CSNK1A1: variants seen among roughly 807,000 people sequenced by gnomAD.
CSNK1A1 encodes casein kinase I isoform alpha.
CSNK1A1 carries 7 observed loss-of-function variants against 46.1 expected under a neutral mutation model. That is an observed-to-expected ratio of 0.15 (90% CI 0.09 to 0.29). The LOEUF (loss-of-function observed/expected upper bound fraction) is 0.29, where lower values mean the gene tolerates loss of function less well. Ranked by LOEUF, CSNK1A1 falls within the 10% of genes least tolerant of loss-of-function variation. The pLI, the probability that CSNK1A1 is intolerant of heterozygous loss-of-function variation, is 1.00. For missense variants in CSNK1A1, 96 were observed against 417.1 expected (o/e 0.23, Z 6.71); for synonymous variants, 137 against 141.5 (o/e 0.97, Z 0.23).
intron 9 of CSNK1A1, chr5:149,499,296 T>C (rs1265353914): frequency 4.0e-6 from 2 of 503,614 alleles, no homozygotes; most frequent in Non-Finnish European, 4.8e-6. Flanking sequence ...CTTTATTCCT[T>C]AAAAAAAAAG....
intron 2 of CSNK1A1, among the ~76,000 whole-genome samples, chr5:149,544,758 T>TATATATACAC (rs150989849): frequency 0.073 from 9,468 of 129,178 alleles, 610 homozygotes; most frequent in Admixed American, 0.1. Context: ...TATATATATA[T>TATATATACAC]ATATATAGTT....
chr5:149,498,696 C>T, intron 9 of CSNK1A1: 1 of 985,328 alleles, frequency 1.0e-6, no homozygotes, highest in Non-Finnish European at 1.2e-6. Flanking sequence ...TTCACAACTA[C>T]TAAAATTGCT....
chr5:149,497,400 T>C, intron 9 of CSNK1A1: 1 of 985,858 alleles, frequency 1.0e-6, no homozygotes, highest in Non-Finnish European at 1.2e-6. Flanking sequence ...AAAACTTCTT[T>C]ACCGGCCGCA....
chr5:149,502,419 T>G (rs945498273), intron 9 of CSNK1A1: 7 of 575,082 alleles, frequency 1.2e-5, no homozygotes, highest in Non-Finnish European at 2.2e-6. Context: ...CAGCTCTCAT[T>G]GCAGCCTCAA....
At chr5:149,521,572 C>A (rs1472095641) in intron 3 of CSNK1A1, among the ~76,000 whole-genome samples, 1 of 151,836 alleles carries the variant, frequency 6.6e-6, no homozygotes, top group Admixed American at 6.6e-5. Context: ...CAGGTGTGAA[C>A]CACCATGCCC....
intron 2 of CSNK1A1, among the ~76,000 whole-genome samples, chr5:149,542,629 T>C (rs1465143987): frequency 2.2e-4 from 3 of 13,940 alleles, no homozygotes; most frequent in African/African-American, 1.5e-3. Context: ...TATATATATA[T>C]ATATATATAT....
chr5:149,510,895 A>G (rs151051190), intron 6 of CSNK1A1, among the ~76,000 whole-genome samples: 10 of 152,354 alleles, frequency 6.6e-5, no homozygotes, highest in Non-Finnish European at 1.5e-4. Context: ...TATAAGTCAC[A>G]ATATTTTTCT....
chr5:149,545,197 G>A (rs1762436743), intron 2 of CSNK1A1, among the ~76,000 whole-genome samples: 1 of 151,956 alleles, frequency 6.6e-6, no homozygotes, highest in Non-Finnish European at 1.5e-5. Flanking sequence ...CTGTTCAAGG[G>A]TCAACTGTAA....
chr5:149,512,324 T>C (rs1761252435), intron 5 of CSNK1A1, among the ~76,000 whole-genome samples: 1 of 151,986 alleles, frequency 6.6e-6, no homozygotes, highest in Non-Finnish European at 1.5e-5. Flanking sequence ...TAGATATATA[T>C]ATATTTAAGG....
chr5:149,529,383 C>T, intron 2 of CSNK1A1, among the ~76,000 whole-genome samples: 1 of 152,128 alleles, frequency 6.6e-6, no homozygotes, highest in Admixed American at 6.5e-5. Context: ...AACGCATATC[C>T]AAATTAAATC....
chr5:149,537,022 A>G (rs1420316592), intron 2 of CSNK1A1, among the ~76,000 whole-genome samples: 1 of 152,196 alleles, frequency 6.6e-6, no homozygotes, highest in Non-Finnish European at 1.5e-5. Flanking sequence ...AGTTTATGTA[A>G]AAGCACTTGA....
At chr5:149,536,384 T>G (rs1441052306) in intron 2 of CSNK1A1, among the ~76,000 whole-genome samples, 2 of 152,212 alleles carry the variant, frequency 1.3e-5, no homozygotes, top group African/African-American at 4.8e-5. Context: ...TTTGCATTAA[T>G]TAATTTGCTT....
intron 2 of CSNK1A1, among the ~76,000 whole-genome samples, chr5:149,528,499 C>T (rs529430565): frequency 4.6e-5 from 7 of 152,336 alleles, no homozygotes; most frequent in African/African-American, 1.7e-4. Flanking sequence ...CTCATTCAGA[C>T]ATTATCACAC....
rs182861896 is a variant in CSNK1A1 at position 149,542,624 on chromosome 5, A to T, written c.230+7451T>A. On this transcript the variant is annotated intron_variant, in intron 2 of 9. Transcript: ENST00000377843. ...TATATATATATATATATATATATAT[A>T]TATATATATATATATGTATATATAT... 1.2e-3 allele frequency among the ~76,000 whole-genome samples: 17 copies of T among 13,700 alleles called. 1 individual carries two copies. The highest frequency in any genetic ancestry group is 7.6e-3 in the African/African-American group (14 of 1,842). The allele number at this position is 13,700 out of a possible 152,430, so 9.0% of individuals were successfully genotyped here.
At chr5:149,543,649 G>C (rs1313385030) in intron 2 of CSNK1A1, among the ~76,000 whole-genome samples, 1 of 152,156 alleles carries the variant, frequency 6.6e-6, no homozygotes, top group Non-Finnish European at 1.5e-5. Flanking sequence ...TAAAAGTGAA[G>C]AGTAAGGATT....
chr5:149,519,911 TC>T (rs557552030), intron 4 of CSNK1A1, among the ~76,000 whole-genome samples: 150 of 152,226 alleles, frequency 9.9e-4, no homozygotes, highest in African/African-American at 3.4e-3. Flanking sequence ...AACCCACACT[TC>T]AGAGCCAAAG....
At chr5:149,529,873 T>C (rs1761836520) in intron 2 of CSNK1A1, among the ~76,000 whole-genome samples, 1 of 152,168 alleles carries the variant, frequency 6.6e-6, no homozygotes, top group Non-Finnish European at 1.5e-5. Context: ...AGTGTTATAC[T>C]ATAGCCGGAG....
Position 149,506,770 on chromosome 5 carries a change from G to A in CSNK1A1, c.857+257C>T, listed in dbSNP as rs367768166. ...ACTGACAGCCACTTATATCTAATATGAATTATAACTATTCTGGAAAAGTTA... is the reference window on the plus strand; with the variant it reads ...ACTGACAGCCACTTATATCTAATATAAATTATAACTATTCTGGAAAAGTTA... On this transcript the variant is annotated intron_variant, in intron 8 of 9. Coordinates refer to ENST00000377843, the MANE Select transcript of CSNK1A1 (RefSeq NM_001892.6). 7.9e-4 allele frequency among the ~76,000 whole-genome samples: 121 copies of A among 152,272 alleles called. 1 individual carries two copies. In the Middle Eastern group the frequency reaches 0.02, roughly 26 times the overall value.
chr5:149,527,146 G>A (rs945018625), intron 2 of CSNK1A1, among the ~76,000 whole-genome samples: 1 of 148,426 alleles, frequency 6.7e-6, no homozygotes, highest in Non-Finnish European at 1.5e-5. Flanking sequence ...TTTTTTTTGA[G>A]ACACAGTCTC....
Sources: gnomAD v4.1 joint callset for allele counts (sites outside exome capture counted in the v4.1 genomes callset) on GRCh38, gnomAD v4.1.1 for gene constraint, MANE v1.5 for transcripts, NCBI Gene and HGNC (gene_info 2026-07-23, HGNC 2026-07-21) for gene names.